Variants in RAB19 observed in about 807,000 individuals in gnomAD.
RAB19 encodes RAB19, member RAS oncogene family, also known as ras-related protein Rab-19.
RAB19 carries 21 observed loss-of-function variants against 17.3 expected under a neutral mutation model. The observed-to-expected ratio is 1.21, with a 90% CI of 0.86 to 1.74. The LOEUF (loss-of-function observed/expected upper bound fraction) is 1.74. Among genes scored for constraint, RAB19 ranks in the 40% most tolerant of loss-of-function variants. The pLI is 0.00. For missense variants in RAB19, 277 were observed against 286.8 expected (o/e 0.97, Z 0.25); for synonymous variants, 126 against 110.4 (o/e 1.14, Z -0.88).
At position 140,426,835 on chromosome 7, in the gene RAB19, CTTTCTTTTTTTTTTTTTT is replaced by C. The variant is rs1252348315; in HGVS notation, c.*689_*706del. ...GGGGAAGACACCTGCAATTTTTTTT[CTTTCTTTTTTTTTTTTTT>C]TTTTTTGAGACAGGGTCATACTCTG... On this transcript the variant is annotated 3_prime_UTR_variant, in exon 4 of 4. Coordinates refer to ENST00000537763, the MANE Select transcript of RAB19 (RefSeq NM_001008749.3). 1.5e-5 allele frequency among the ~76,000 whole-genome samples: 2 copies of C among 132,710 alleles called. No homozygotes were observed. The highest frequency in any genetic ancestry group is 3.2e-5 in the Non-Finnish European group (2 of 62,940). The allele number at this position is 132,710 out of a possible 152,430, so 87.1% of individuals were successfully genotyped here.
At position 140,426,079 on chromosome 7, in the gene RAB19, G is replaced by A. The variant is rs144362151; in HGVS notation, c.583G>A (p.Gly195Ser). 1.3e-5 allele frequency: 21 copies of A among 1,614,018 alleles called. No individual in the cohort carries two copies. Among genetic ancestry groups the A allele is most frequent in the Admixed American group, 1.7e-5 (1 of 59,988 alleles). ...CCTATATGGGGAGAGTGCCCTGAAC[G>A]GCCTCCCCCTGGACTCCAGCCCCGT... Reference protein sequence around the residue: ...LHLYGESALNGLPLDSSPVLM... With the variant: ...LHLYGESALNSLPLDSSPVLM... The change falls in exon 4 of 4, where the codon GGC (glycine) becomes AGC (serine). Residue 195 changes from glycine to serine, a missense_variant. Physicochemically the swap from Gly to Ser is moderately conservative, Grantham distance 56 (BLOSUM62 0). Transcript: ENST00000537763.
chr7:140,414,964 T>G (rs1799429128), intron 3 of RAB19, among the ~76,000 whole-genome samples: 1 of 152,102 alleles, frequency 6.6e-6, no homozygotes, highest in Non-Finnish European at 1.5e-5. Context: ...CTGAACATGG[T>G]TCACAAGGTA....
intron 2 of RAB19, among the ~76,000 whole-genome samples, 191 bp downstream of exon 2, chr7:140,408,038 C>A (rs562213776): frequency 7.8e-6 from 1 of 128,320 alleles, no homozygotes; most frequent in Non-Finnish European, 1.6e-5. Flanking sequence ...CCACCACGCC[C>A]GGCAAATTTT....
At chr7:140,414,713 C>T (rs1036028589) in intron 3 of RAB19, among the ~76,000 whole-genome samples, 1 of 152,182 alleles carries the variant, frequency 6.6e-6, no homozygotes, top group African/African-American at 2.4e-5. Context: ...TGTTGTCCCT[C>T]ACGGAAGTGT....
chr7:140,422,990 C>T (rs1315107594), intron 3 of RAB19, among the ~76,000 whole-genome samples: 2 of 151,418 alleles, frequency 1.3e-5, no homozygotes, highest in African/African-American at 2.4e-5. Flanking sequence ...TGCCTGTAAT[C>T]CCAGTTATTC....
At chr7:140,413,482 G>C (rs1040279362) in intron 3 of RAB19, among the ~76,000 whole-genome samples, 2 of 152,162 alleles carry the variant, frequency 1.3e-5, no homozygotes, top group African/African-American at 4.8e-5. Flanking sequence ...GCTGAGGCGG[G>C]AGGATAGCTT....
chr7:140,416,391 C>G (rs1799458893), intron 3 of RAB19, among the ~76,000 whole-genome samples: 1 of 152,188 alleles, frequency 6.6e-6, no homozygotes, highest in African/African-American at 2.4e-5. Context: ...TCAGATTTTA[C>G]TGTCAAATGA....
intron 3 of RAB19, among the ~76,000 whole-genome samples, chr7:140,421,183 G>A (rs1053687031): frequency 1.3e-5 from 2 of 151,780 alleles, no homozygotes; most frequent in Admixed American, 6.6e-5. Context: ...GAGCCACCAC[G>A]CCTGGCCTTT....
intron 2 of RAB19, among the ~76,000 whole-genome samples, chr7:140,409,818 C>G (rs1401269674): frequency 6.6e-6 from 1 of 151,620 alleles, no homozygotes; most frequent in Non-Finnish European, 1.5e-5. Context: ...ACGGTGAAAC[C>G]CCGTCTCTAC....
chr7:140,405,516 CT>C (rs1314976096), intron 1 of RAB19, among the ~76,000 whole-genome samples: 1 of 150,114 alleles, frequency 6.7e-6, no homozygotes, highest in Non-Finnish European at 1.5e-5. Flanking sequence ...GCCACTGCCC[CT>C]GGCCTATTTC....
chr7:140,417,897 G>C (rs1036129197), intron 3 of RAB19, among the ~76,000 whole-genome samples: 10 of 152,274 alleles, frequency 6.6e-5, no homozygotes, highest in African/African-American at 2.4e-4. Flanking sequence ...TGCATTCAGG[G>C]CCTGCCCAGC....
In RAB19 at chr7:140,424,655, ATG is replaced by A. The variant is rs1159822662; in HGVS notation, c.386-1219_386-1218del. 3.1e-3 allele frequency among the ~76,000 whole-genome samples: 350 copies of A among 111,456 alleles called. 2 individuals are homozygous for A. Among genetic ancestry groups the A allele is most frequent in the African/African-American group, 0.015 (322 of 21,712 alleles). 73.1% of individuals were successfully genotyped at this position (111,456 alleles called of 152,430 possible). ...TATATATATATGTGTGTGTGTATAT[ATG>A]TGTGTGTATATATATATATATATAT... On this transcript the variant is annotated intron_variant, in intron 3 of 3. Coordinates refer to ENST00000537763, the MANE Select transcript of RAB19 (RefSeq NM_001008749.3).
intron 2 of RAB19, among the ~76,000 whole-genome samples, chr7:140,411,616 G>A (rs1011774981): frequency 6.6e-6 from 1 of 151,854 alleles, no homozygotes; most frequent in Non-Finnish European, 1.5e-5. Context: ...ATTCAAAGTT[G>A]TCCTGGGCCA....
intron 2 of RAB19, among the ~76,000 whole-genome samples, chr7:140,408,132 C>T (rs1215165037): frequency 1.3e-5 from 2 of 151,512 alleles, no homozygotes; most frequent in Non-Finnish European, 2.9e-5. Context: ...ATGATCCACC[C>T]ACCTCGGCCT....
chr7:140,417,580 G>C (rs750057095), intron 3 of RAB19, among the ~76,000 whole-genome samples: 1 of 152,072 alleles, frequency 6.6e-6, no homozygotes, highest in Non-Finnish European at 1.5e-5. Context: ...AAAAACACAC[G>C]CATGGTTCTC....
intron 3 of RAB19, among the ~76,000 whole-genome samples, chr7:140,423,086 C>T (rs774325543): frequency 2.7e-4 from 40 of 148,086 alleles, no homozygotes; most frequent in Non-Finnish European, 3.9e-4. Context: ...CCAGCCTGGG[C>T]GACAGAGCAA....
intron 3 of RAB19, among the ~76,000 whole-genome samples, chr7:140,418,624 T>C (rs920923466): frequency 6.6e-6 from 1 of 150,478 alleles, no homozygotes; most frequent in African/African-American, 2.4e-5. Flanking sequence ...GGCTCACACC[T>C]GTAATCCCAA....
intron 3 of RAB19, among the ~76,000 whole-genome samples, chr7:140,416,829 C>T (rs940825339): frequency 6.6e-6 from 1 of 152,096 alleles, no homozygotes; most frequent in African/African-American, 2.4e-5. Context: ...TGGCTCACAC[C>T]TATAAATCCC....
At chr7:140,423,677 G>A (rs575158429) in intron 3 of RAB19, among the ~76,000 whole-genome samples, 2 of 152,196 alleles carry the variant, frequency 1.3e-5, no homozygotes, top group Non-Finnish European at 2.9e-5. Flanking sequence ...AGGACCGGGG[G>A]TGGTGAGAGT....
Sources: gnomAD v4.1 joint callset for allele counts (sites outside exome capture counted in the v4.1 genomes callset) on GRCh38, gnomAD v4.1.1 for gene constraint, MANE v1.5 for transcripts, NCBI Gene and HGNC (gene_info 2026-07-23, HGNC 2026-07-21) for gene names.